CNTN5: variants seen among roughly 807,000 people sequenced by gnomAD.
CNTN5 encodes contactin 5.
Under a neutral mutation model 129.1 loss-of-function variants are expected in CNTN5, and 77 were observed. That is an observed-to-expected ratio of 0.60 (90% CI 0.50 to 0.72). The LOEUF (loss-of-function observed/expected upper bound fraction) is 0.72. Ranked by LOEUF, CNTN5 falls within the 30% of genes least tolerant of loss-of-function variation. CNTN5 has a pLI of 0.00. For missense variants in CNTN5, 1,478 were observed against 1,328.8 expected (o/e 1.11, Z -1.75); for synonymous variants, 509 against 465.6 (o/e 1.09, Z -1.20).
At chr11:99,844,368 A>G (rs1462734852) in intron 4 of CNTN5, among the ~76,000 whole-genome samples, 2 of 152,310 alleles carry the variant, frequency 1.3e-5, no homozygotes, top group East Asian at 1.9e-4. Context: ...CACTAAATGT[A>G]GTGCTTCAGT....
chr11:100,338,834 G>C (rs1184802978), intron 21 of CNTN5, among the ~76,000 whole-genome samples: 3 of 151,940 alleles, frequency 2.0e-5, no homozygotes, highest in Non-Finnish European at 4.4e-5. Flanking sequence ...AATGTTAACA[G>C]TGCTCTCTTA....
chr11:99,418,915 G>A (rs553740313), intron 2 of CNTN5, among the ~76,000 whole-genome samples: 47 of 152,228 alleles, frequency 3.1e-4, no homozygotes, highest in African/African-American at 1.1e-3. Context: ...TTCAAGCTTT[G>A]GAGACAGATG....
chr11:99,625,275 T>A (rs2135780119), intron 3 of CNTN5, among the ~76,000 whole-genome samples: 1 of 152,246 alleles, frequency 6.6e-6, no homozygotes, highest in Non-Finnish European at 1.5e-5. Context: ...TGCAGGTGGG[T>A]GCTATGAGTG....
chr11:100,198,424 A>ACACACGCC (rs72189722), intron 15 of CNTN5, among the ~76,000 whole-genome samples: 3,367 of 152,006 alleles, frequency 0.022, 129 homozygotes, highest in African/African-American at 0.076. Context: ...AGACACACAC[A>ACACACGCC]CACACACACA....
intron 2 of CNTN5, among the ~76,000 whole-genome samples, chr11:99,372,892 G>T (rs1007422741): frequency 4.6e-5 from 7 of 152,164 alleles, no homozygotes; most frequent in Non-Finnish European, 1.5e-5. Flanking sequence ...TGGCATCTGA[G>T]AGATAAACCA....
At chr11:100,344,789 T>A (rs1007348993) in intron 23 of CNTN5, among the ~76,000 whole-genome samples, 1 of 152,044 alleles carries the variant, frequency 6.6e-6, no homozygotes, top group African/African-American at 2.4e-5. Flanking sequence ...AATAAAAAAT[T>A]TAAAAAGTAA....
At chr11:100,025,760 C>G (rs759968539) in intron 9 of CNTN5, among the ~76,000 whole-genome samples, 12 of 152,160 alleles carry the variant, frequency 7.9e-5, no homozygotes, top group Non-Finnish European at 1.5e-4. Context: ...TTGTATGGTG[C>G]CTGTAGCCCC....
At chr11:99,523,636 G>GAATAGAATAC (rs1947358462) in intron 2 of CNTN5, among the ~76,000 whole-genome samples, 1 of 49,980 alleles carries the variant, frequency 2.0e-5, no homozygotes. Flanking sequence ...GAATAGAATA[G>GAATAGAATAC]AATAGAATAG....
At chr11:99,037,343 T>C (rs1216627682) in intron 1 of CNTN5, among the ~76,000 whole-genome samples, 3 of 152,150 alleles carry the variant, frequency 2.0e-5, no homozygotes, top group Non-Finnish European at 4.4e-5. Context: ...TAATCGTTTC[T>C]ACTGCTTAAA....
At chr11:99,770,073 T>C (rs771187686) in intron 3 of CNTN5, among the ~76,000 whole-genome samples, 2 of 152,210 alleles carry the variant, frequency 1.3e-5, no homozygotes, top group African/African-American at 4.8e-5. Flanking sequence ...TCTCTTTCTG[T>C]TCCTGGAACA....
chr11:99,034,618 C>T lies in CNTN5; in HGVS notation c.-210+13348C>T, dbSNP rs537772054. ...TTTCTGTGGGATCGGTGGTGATAACCCCTTTATCATTTTTTATTGCGTCTA... is the reference window on the plus strand; with the variant it reads ...TTTCTGTGGGATCGGTGGTGATAACTCCTTTATCATTTTTTATTGCGTCTA... On this transcript the variant is annotated intron_variant, in intron 1 of 24. Coordinates refer to ENST00000524871, the MANE Select transcript of CNTN5 (RefSeq NM_014361.4). Among the ~76,000 whole-genome samples, 468 of 150,954 alleles carry T rather than the reference C, an allele frequency of 3.1e-3. 4 individuals are homozygous for T. Among genetic ancestry groups the T allele is most frequent in the African/African-American group, 0.011 (449 of 41,240 alleles).
intron 2 of CNTN5, among the ~76,000 whole-genome samples, chr11:99,554,038 T>A (rs949101362): frequency 6.6e-6 from 1 of 150,898 alleles, no homozygotes. Flanking sequence ...GATTTTAACA[T>A]AAAATAAGTT....
intron 1 of CNTN5, among the ~76,000 whole-genome samples, chr11:99,032,908 G>T (rs1483245872): frequency 1.4e-5 from 2 of 139,140 alleles, no homozygotes; most frequent in East Asian, 4.7e-4. Flanking sequence ...TAGGTCTAAC[G>T]TTTAAGTCTT....
At chr11:100,231,381 A>G (rs1195309884) in intron 16 of CNTN5, among the ~76,000 whole-genome samples, 1 of 152,182 alleles carries the variant, frequency 6.6e-6, no homozygotes, top group Non-Finnish European at 1.5e-5. Context: ...AGGGGTGTGT[A>G]TATATTCAAA....
chr11:100,293,985 A>C (rs1438676495), intron 18 of CNTN5, among the ~76,000 whole-genome samples: 1 of 151,600 alleles, frequency 6.6e-6, no homozygotes, highest in East Asian at 1.9e-4. Context: ...TTATTTTTTA[A>C]ATGTTCCTCT....
intron 3 of CNTN5, among the ~76,000 whole-genome samples, chr11:99,769,657 C>G (rs957763121): frequency 2.6e-5 from 4 of 151,786 alleles, no homozygotes; most frequent in African/African-American, 9.7e-5. Context: ...GGAAACATAG[C>G]GAAACCCCCA....
intron 2 of CNTN5, among the ~76,000 whole-genome samples, chr11:99,373,073 G>A (rs1018780787): frequency 1.1e-4 from 10 of 91,696 alleles, no homozygotes; most frequent in Admixed American, 1.1e-3. Flanking sequence ...GCGGGGCATG[G>A]TGGCACATGG....
chr11:99,034,741 T>A (rs1181923446), intron 1 of CNTN5, among the ~76,000 whole-genome samples: 2 of 152,196 alleles, frequency 1.3e-5, no homozygotes, highest in Non-Finnish European at 2.9e-5. Flanking sequence ...CATTAATTTT[T>A]TGAAGGGTTT....
chr11:100,085,148 G>C (rs942903245), intron 13 of CNTN5, among the ~76,000 whole-genome samples: 1 of 152,032 alleles, frequency 6.6e-6, no homozygotes, highest in African/African-American at 2.4e-5. Context: ...GAGAAATTCT[G>C]TCTGGGTGTG....
Sources: gnomAD v4.1 joint callset for allele counts (sites outside exome capture counted in the v4.1 genomes callset) on GRCh38, gnomAD v4.1.1 for gene constraint, MANE v1.5 for transcripts, NCBI Gene and HGNC (gene_info 2026-07-23, HGNC 2026-07-21) for gene names.